PRR16: variants seen among roughly 807,000 people sequenced by gnomAD.
PRR16 encodes the protein protein Largen.
In PRR16, 6 loss-of-function variants were observed where a neutral mutation model predicts 18.2. The ratio of observed to expected loss-of-function variants is 0.33; its 90% CI spans 0.18 to 0.65. The LOEUF is 0.65. Ranked by LOEUF, PRR16 falls within the 30% of genes least tolerant of loss-of-function variation. The pLI is 0.74. For missense variants in PRR16, 412 were observed against 376.6 expected (o/e 1.09, Z -0.78); for synonymous variants, 151 against 147.8 (o/e 1.02, Z -0.16).
At chr5:120,787,121 A>AT in the PRR16 span, among the ~76,000 whole-genome samples, 6 of 152,090 alleles carry the variant, frequency 3.9e-5, no homozygotes, top group Non-Finnish European at 8.8e-5. Flanking sequence ...TTGATCATTT[A>AT]TTTTTTATTA....
At chr5:120,682,087 G>T (rs1377468255) in intron 1 of PRR16, among the ~76,000 whole-genome samples, 2 of 152,166 alleles carry the variant, frequency 1.3e-5, no homozygotes, top group Non-Finnish European at 2.9e-5. Context: ...GCTCTCACAG[G>T]ATAGCTGCTA....
chr5:120,763,220 C>G, the PRR16 span, among the ~76,000 whole-genome samples: 1 of 151,946 alleles, frequency 6.6e-6, no homozygotes, highest in Non-Finnish European at 1.5e-5. Context: ...GATATCGGCT[C>G]ACTGCAACCT....
chr5:120,656,996 A>G (rs1042519297), intron 1 of PRR16, among the ~76,000 whole-genome samples: 3 of 151,986 alleles, frequency 2.0e-5, no homozygotes, highest in African/African-American at 7.2e-5. Context: ...TTAACTTTAT[A>G]GGAGCCACGT....
chr5:120,509,588 G>C lies in PRR16; in HGVS notation c.159+44943G>C, dbSNP rs566565597. On this transcript the variant is annotated intron_variant, in intron 1 of 1. Transcript: ENST00000407149. ...CATAGTTAAATGTAGTAGTATCTAG[G>C]CATTATCTGGTTGGAAGGGGTTAAA... 7.9e-5 allele frequency among the ~76,000 whole-genome samples: 12 copies of C among 152,120 alleles called. No homozygotes were observed. The East Asian group carries it at 2.1e-3, about 27-fold the overall frequency.
intron 1 of PRR16, among the ~76,000 whole-genome samples, chr5:120,581,186 C>T (rs949717877): frequency 1.3e-5 from 2 of 152,054 alleles, no homozygotes; most frequent in African/African-American, 4.8e-5. Context: ...TTAATTACTA[C>T]CTCAATTTCA....
chr5:120,666,295 T>C (rs2150142338), intron 1 of PRR16, among the ~76,000 whole-genome samples: 1 of 152,362 alleles, frequency 6.6e-6, no homozygotes, highest in South Asian at 2.1e-4. Context: ...TTGTGATTTT[T>C]GTACATTGAT....
At chr5:120,543,737 T>C (rs1456707686) in intron 1 of PRR16, among the ~76,000 whole-genome samples, 1 of 152,196 alleles carries the variant, frequency 6.6e-6, no homozygotes, top group Admixed American at 6.6e-5. Flanking sequence ...TGCCTTTTAT[T>C]TCTGAAAATT....
chr5:120,465,803 C>T (rs1322405288), intron 1 of PRR16: 1 of 152,998 alleles, frequency 6.5e-6, no homozygotes, highest in African/African-American at 2.4e-5. Flanking sequence ...GGGGCGTAGT[C>T]TAGGTCCAAA....
intron 1 of PRR16, among the ~76,000 whole-genome samples, chr5:120,667,323 T>C (rs370151651): frequency 4.0e-3 from 583 of 144,242 alleles, no homozygotes; most frequent in African/African-American, 0.014. Context: ...TTTTTTATTG[T>C]GTCTATTTGA....
At chr5:120,674,754 T>C (rs1756737691) in intron 1 of PRR16, among the ~76,000 whole-genome samples, 1 of 152,038 alleles carries the variant, frequency 6.6e-6, no homozygotes, top group Non-Finnish European at 1.5e-5. Flanking sequence ...AACTCCTTAA[T>C]CAGTTTTTGA....
intron 1 of PRR16, among the ~76,000 whole-genome samples, chr5:120,486,094 A>G (rs1327837631): frequency 5.3e-5 from 8 of 152,084 alleles, no homozygotes; most frequent in African/African-American, 9.7e-5. Flanking sequence ...ATTGTGAATA[A>G]TGCCACAATA....
the PRR16 span, among the ~76,000 whole-genome samples, chr5:120,697,624 C>A: frequency 5.9e-5 from 9 of 151,608 alleles, no homozygotes; most frequent in Admixed American, 2.0e-4. Context: ...TGGGTGCAGG[C>A]GGGCTGAGTC....
the PRR16 span, among the ~76,000 whole-genome samples, chr5:120,729,327 G>T: frequency 1.3e-5 from 2 of 151,978 alleles, no homozygotes; most frequent in African/African-American, 4.8e-5. Flanking sequence ...AGGTAAATTC[G>T]TGTCTCTCTG....
downstream of PRR16, among the ~76,000 whole-genome samples, chr5:120,689,523 A>G (rs1015216979): frequency 6.6e-6 from 1 of 152,134 alleles, no homozygotes; most frequent in African/African-American, 2.4e-5. Flanking sequence ...GTTTTCCTCA[A>G]ATACTTGAAA....
chr5:120,538,040 T>TG (rs2112677822), intron 1 of PRR16, among the ~76,000 whole-genome samples: 2 of 152,166 alleles, frequency 1.3e-5, no homozygotes, highest in East Asian at 3.9e-4. Context: ...CCTCCCAAAG[T>TG]GCTGGGATTA....
chr5:120,487,410 T>C (rs1372965710), intron 1 of PRR16, among the ~76,000 whole-genome samples: 1 of 152,216 alleles, frequency 6.6e-6, no homozygotes, highest in African/African-American at 2.4e-5. Flanking sequence ...TTTGAAGCAA[T>C]TGTGAATGGG....
chr5:120,655,273 C>A (rs1327738483), intron 1 of PRR16, among the ~76,000 whole-genome samples: 3 of 150,782 alleles, frequency 2.0e-5, no homozygotes, highest in African/African-American at 4.9e-5. Flanking sequence ...AGCTGATAGA[C>A]ATTAAGTCTA....
At chr5:120,597,792 T>C (rs745468738) in intron 1 of PRR16, among the ~76,000 whole-genome samples, 2 of 151,908 alleles carry the variant, frequency 1.3e-5, no homozygotes, top group Non-Finnish European at 2.9e-5. Context: ...ATCTCCTCCT[T>C]CTAAATCTTC....
At chr5:120,772,767 G>A in the PRR16 span, among the ~76,000 whole-genome samples, 7,772 of 152,072 alleles carry the variant, frequency 0.051, 248 homozygotes, top group South Asian at 0.098. Flanking sequence ...TACAGTCTTT[G>A]ATGCTCACAA....
Sources: allele counts gnomAD v4.1 joint callset (sites outside exome capture counted in the v4.1 genomes callset), GRCh38; gene constraint gnomAD v4.1.1; transcripts MANE v1.5; gene names NCBI Gene and HGNC (gene_info 2026-07-23, HGNC 2026-07-21).